The following NR5A2 variants were observed in gnomAD, a reference collection of about 807,000 sequenced individuals.
NR5A2 encodes the protein nuclear receptor subfamily 5 group A member 2, also known as CYP7A promoter-binding factor.
In NR5A2, 26 loss-of-function variants were observed where a neutral mutation model predicts 62.7. The ratio of observed to expected loss-of-function variants is 0.41; its 90% CI spans 0.30 to 0.58. The LOEUF is 0.58. Ranked by LOEUF, NR5A2 falls within the 20% of genes least tolerant of loss-of-function variation. NR5A2 has a pLI of 0.22. For missense variants in NR5A2, 541 were observed against 669.1 expected, an observed-to-expected ratio of 0.81 and a Z score of 2.11; for synonymous variants, 246 against 241.7, an observed-to-expected ratio of 1.02 and a Z score of -0.16.
chr1:200,128,933 A>G (rs111669138), intron 7 of NR5A2, among the ~76,000 whole-genome samples: 1,745 of 152,322 alleles, frequency 0.011, 35 homozygotes, highest in African/African-American at 0.039. Flanking sequence ...AGTTTCTGCT[A>G]TAGGAATGTT....
chr1:200,168,914 A>G (rs928470273), intron 7 of NR5A2, among the ~76,000 whole-genome samples: 2 of 152,214 alleles, frequency 1.3e-5, no homozygotes, highest in Non-Finnish European at 2.9e-5. Flanking sequence ...TCTAGAGGAA[A>G]GGGCCTTCTG....
chr1:200,135,228 A>G (rs769081400), intron 7 of NR5A2, among the ~76,000 whole-genome samples: 4 of 152,172 alleles, frequency 2.6e-5, no homozygotes, highest in Non-Finnish European at 5.9e-5. Context: ...GCCTGAAATA[A>G]TAAAGCATGA....
At chr1:200,062,670 T>G (rs1026871021) in intron 5 of NR5A2, among the ~76,000 whole-genome samples, 1 of 152,206 alleles carries the variant, frequency 6.6e-6, no homozygotes, top group Non-Finnish European at 1.5e-5. Context: ...AGATTTTCCT[T>G]GTACAGTTAT....
At position 200,174,119 on chromosome 1, in the gene NR5A2, A is replaced by C; in HGVS notation, c.1535A>C (p.Gln512Pro). Reference protein sequence around the residue: ...RLPEIRAISMQAEEYLYYKHL... With the variant: ...RLPEIRAISMPAEEYLYYKHL... ...CCCGAAATCCGGGCCATCAGTATGCAGGCTGAAGAATACCTCTACTACAAG... is the reference window on the plus strand; with the variant it reads ...CCCGAAATCCGGGCCATCAGTATGCCGGCTGAAGAATACCTCTACTACAAG... The change falls in exon 8 of 8, where the codon CAG becomes CCG. Residue 512 changes from glutamine (Q) to proline (P), a missense_variant. Physicochemically the swap from Gln to Pro is moderately conservative, Grantham distance 76. Around this residue, in one of 3 missense-constraint regions of NR5A2, gnomAD observed 379 missense variants for 442.0 expected, o/e 0.86. Transcript: ENST00000367362. 1 of 1,613,898 alleles carries C rather than the reference A, an allele frequency of 6.2e-7. No homozygotes were observed. Among genetic ancestry groups the C allele is most frequent in the Non-Finnish European group, 8.5e-7 (1 of 1,179,980 alleles).
rs767028419 is a variant in NR5A2, at chr1:200,088,055, G to A, written c.1111-23147G>A. 2.6e-5 allele frequency among the ~76,000 whole-genome samples: 4 copies of A among 151,986 alleles called. No homozygotes were observed. The East Asian group carries it at 7.8e-4, about 30-fold the overall frequency. On this transcript the variant is annotated intron_variant, in intron 5 of 7. Transcript: ENST00000367362. ...TATGAACCACCATGCCCGGCCCCTT[G>A]CTAACATTTTAATTTTGTTTGTTTA...
chr1:200,141,530 A>C (rs1300956830), intron 7 of NR5A2, among the ~76,000 whole-genome samples: 3 of 152,206 alleles, frequency 2.0e-5, no homozygotes, highest in African/African-American at 7.2e-5. Flanking sequence ...TTTGAGTTGT[A>C]TACATTCAGT....
intron 7 of NR5A2, among the ~76,000 whole-genome samples, chr1:200,172,217 A>G (rs1654214292): frequency 6.6e-6 from 1 of 152,180 alleles, no homozygotes; most frequent in Admixed American, 6.5e-5. Context: ...TATTGAAGGT[A>G]TTTCTGATTG....
chr1:200,052,884 C>T (rs2821375), intron 5 of NR5A2, among the ~76,000 whole-genome samples: 2,678 of 152,270 alleles, frequency 0.018, 65 homozygotes, highest in African/African-American at 0.061. Flanking sequence ...TTGCGATCCG[C>T]CCGCCTTGGC....
intron 1 of NR5A2, among the ~76,000 whole-genome samples, 189 bp downstream of exon 1, chr1:200,028,100 T>G (rs184830659): frequency 6.6e-5 from 10 of 152,316 alleles, no homozygotes; most frequent in Non-Finnish European, 1.3e-4. Flanking sequence ...CAAATGGATA[T>G]TTCAACATAT....
chr1:200,082,499 T>C (rs184059731), intron 5 of NR5A2, among the ~76,000 whole-genome samples: 1 of 152,196 alleles, frequency 6.6e-6, no homozygotes, highest in African/African-American at 2.4e-5. Context: ...TAAAACAAAT[T>C]ACAAACATAT....
chr1:200,094,681 T>C (rs1436632550), intron 5 of NR5A2, among the ~76,000 whole-genome samples: 43 of 151,492 alleles, frequency 2.8e-4, no homozygotes, highest in African/African-American at 9.2e-4. Context: ...TACAGGCACC[T>C]GCCACCACGC....
At chr1:200,140,924 G>C (rs975998328) in intron 7 of NR5A2, among the ~76,000 whole-genome samples, 2 of 152,276 alleles carry the variant, frequency 1.3e-5, no homozygotes, top group Middle Eastern at 3.4e-3. Context: ...CCAGCTACTT[G>C]GAAGGCTGAG....
chr1:200,164,724 T>G (rs1032176386), intron 7 of NR5A2, among the ~76,000 whole-genome samples: 3 of 151,082 alleles, frequency 2.0e-5, no homozygotes, highest in Non-Finnish European at 4.4e-5. Flanking sequence ...ATTTTTGTAT[T>G]TTTAGAAGAG....
intron 7 of NR5A2, among the ~76,000 whole-genome samples, chr1:200,169,620 T>C (rs926008239): frequency 1.3e-5 from 2 of 152,230 alleles, no homozygotes; most frequent in African/African-American, 4.8e-5. Context: ...TGTGAGCTTA[T>C]CGTAATGCTG....
At chr1:200,101,565 ACCT>A (rs1446734219) in intron 5 of NR5A2, among the ~76,000 whole-genome samples, 3 of 152,038 alleles carry the variant, frequency 2.0e-5, no homozygotes, top group Admixed American at 2.0e-4. Flanking sequence ...AGTGGCAGAG[ACCT>A]CCTTTTCCTC....
At chr1:200,110,733 C>G (rs1304851919) in intron 5 of NR5A2, among the ~76,000 whole-genome samples, 1 of 152,132 alleles carries the variant, frequency 6.6e-6, no homozygotes, top group African/African-American at 2.4e-5. Context: ...TGCTAATTTT[C>G]TTTTATATGA....
intron 5 of NR5A2, among the ~76,000 whole-genome samples, chr1:200,087,839 C>G (rs2102246646): frequency 6.6e-6 from 1 of 151,566 alleles, no homozygotes; most frequent in East Asian, 1.9e-4. Context: ...GCAACCTCCG[C>G]CTCCTGGGTT....
chr1:200,165,123 C>T (rs941710410), intron 7 of NR5A2, among the ~76,000 whole-genome samples: 10 of 151,920 alleles, frequency 6.6e-5, no homozygotes, highest in African/African-American at 9.7e-5. Context: ...GTGATCTGCC[C>T]GCCTCGGCCT....
Position 200,048,108 on chromosome 1 carries a change from G to C in NR5A2, c.464-64G>C, listed in dbSNP as rs1662458362. The C allele has an allele frequency of 2.9e-6, 4 of 1,392,428 alleles. No homozygotes were observed. The highest frequency in any genetic ancestry group is 3.9e-6 in the Non-Finnish European group (4 of 1,019,782). The allele number at this position is 1,392,428 out of a possible 1,614,324, so 86.3% of individuals were successfully genotyped here. The stretch of plus-strand genomic sequence containing the variant: ...CGATTTACATTTCTAAATATCTGAA[G>C]AATGCTAATAATTTGCACCTTATTT... On this transcript the variant is annotated intron_variant, in intron 4 of 7. Coordinates refer to ENST00000367362, the MANE Select transcript of NR5A2 (RefSeq NM_205860.3). The surrounding 1 kb of genome is among the most constrained non-coding windows in gnomAD (Gnocchi z 4.8).
Sources: gnomAD v4.1 joint callset for allele counts (sites outside exome capture counted in the v4.1 genomes callset) on GRCh38, gnomAD v4.1.1 for gene constraint, gnomAD v4.1.1 regional missense constraint, Gnocchi (gnomAD v3.1) non-coding constraint, MANE v1.5 for transcripts, NCBI Gene and HGNC (gene_info 2026-07-23, HGNC 2026-07-21) for gene names.